The following BAHCC1 variants were observed in gnomAD, a reference collection of about 807,000 sequenced individuals.
The protein encoded by BAHCC1 is BAH domain and coiled-coil containing 1.
BAHCC1 carries 43 observed loss-of-function variants against 88.2 expected under a neutral mutation model. The observed-to-expected ratio is 0.49, with a 90% CI of 0.38 to 0.63. BAHCC1 has a LOEUF of 0.63. Among genes scored for constraint, BAHCC1 ranks in the 20% least tolerant of loss-of-function variants. The pLI is 0.00. For synonymous variants in BAHCC1, 1,510 were observed against 745.5 expected (o/e 2.03, Z -16.71); for missense variants, 3,023 against 1,654.8 (o/e 1.83, Z -14.34).
chr17:81,438,903 G>C (rs924474089), intron 4 of BAHCC1, among the ~76,000 whole-genome samples: 25 of 152,076 alleles, frequency 1.6e-4, no homozygotes, highest in Non-Finnish European at 2.4e-4. Context: ...ACAGAAGCCC[G>C]CACTTCCTGG....
Position 81,447,708 on chromosome 17 carries a change from C to T in BAHCC1, c.3836C>T (p.Pro1279Leu), listed in dbSNP as rs782572157. Residue 1279 changes from proline (P) to leucine (L), a missense_variant, in exon 11 of 28, where the codon CCG (proline) becomes CTG (leucine). By Grantham distance (98) the Pro-to-Leu change is moderately conservative (BLOSUM62 -3). Transcript: ENST00000675386. ...NLGDLPSDSP[P>L]DPQPPAASGP... ...GGGGACCTGCCCAGCGACAGCCCACCGGACCCTCAGCCCCCAGCGGCCTCT... is the reference window on the plus strand; with the variant it reads ...GGGGACCTGCCCAGCGACAGCCCACTGGACCCTCAGCCCCCAGCGGCCTCT... 2.7e-5 allele frequency: 20 copies of T among 734,014 alleles called. No homozygotes were observed. The highest frequency in any genetic ancestry group is 1.2e-4 in the Admixed American group (6 of 52,170). 45.5% of individuals were successfully genotyped at this position (734,014 alleles called of 1,614,324 possible).
chr17:81,444,961 C>G, intron 8 of BAHCC1, 54 bp from the exon 9 acceptor site: 1 of 693,532 alleles, frequency 1.4e-6, no homozygotes, highest in Admixed American at 2.2e-5. Context: ...GGGAAGCAGC[C>G]CCGGAGCTGT....
Position 81,445,298 on chromosome 17 carries a change from G to C in BAHCC1, c.2836-56G>C, listed in dbSNP as rs934256304. The C allele has an allele frequency of 8.2e-6, 6 of 732,974 alleles. No individual in the cohort carries two copies. In the East Asian group the frequency reaches 1.3e-4, roughly 16 times the overall value. 45.4% of individuals were successfully genotyped at this position (732,974 alleles called of 1,614,324 possible). ...CTGGCAGGATGAACCCAAGCAGGGG[G>C]CCCACTGGGGTCAGGGGATCCTGAG... On this transcript the variant is annotated intron_variant, in intron 9 of 27. Coordinates refer to ENST00000675386, the MANE Select transcript of BAHCC1 (RefSeq NM_001377448.1).
intron 2 of BAHCC1, among the ~76,000 whole-genome samples, chr17:81,409,752 AC>A (rs112787673): frequency 1.3e-5 from 2 of 152,214 alleles, no homozygotes; most frequent in African/African-American, 4.8e-5. Context: ...ACCCTCTGCG[AC>A]GTCTCCATCC....
chr17:81,444,024 A>G (rs2064475301), intron 6 of BAHCC1, 107 bp downstream of exon 6: 3 of 657,750 alleles, frequency 4.6e-6, no homozygotes, highest in East Asian at 2.7e-5. Context: ...GGGGCAGCAG[A>G]TTCTATGGCC....
At position 81,412,987 on chromosome 17, in the gene BAHCC1, C is replaced by T. The variant is rs181742197; in HGVS notation, c.178+13070C>T. The T allele has an allele frequency of 1.7e-4, 51 of 294,832 alleles. No individual in the cohort carries two copies. In the East Asian group the frequency reaches 5.7e-3, roughly 33 times the overall value. 18.3% of individuals were successfully genotyped at this position (294,832 alleles called of 1,614,324 possible). On this transcript the variant is annotated intron_variant, in intron 2 of 27. Transcript: ENST00000675386. Reference sequence around the variant, plus strand: ...CGGAAGCTCGGTGCGGGTGCGGCCTCACCTTGCGGGGGCAGTGGGTGGGTG... The same window carrying T: ...CGGAAGCTCGGTGCGGGTGCGGCCTTACCTTGCGGGGGCAGTGGGTGGGTG...
chr17:81,419,302 T>G (rs1288837164), intron 2 of BAHCC1, among the ~76,000 whole-genome samples: 1 of 152,164 alleles, frequency 6.6e-6, no homozygotes, highest in African/African-American at 2.4e-5. Context: ...AATGGTCAGA[T>G]GCTACACCCC....
intron 2 of BAHCC1, among the ~76,000 whole-genome samples, chr17:81,406,632 C>CA (rs1220262126): frequency 6.6e-6 from 1 of 152,248 alleles, no homozygotes; most frequent in Admixed American, 6.5e-5. Context: ...GTTTCGCTCA[C>CA]GCAGGCCTAT....
chr17:81,442,501 C>T lies in BAHCC1; in HGVS notation c.1152C>T (p.Pro384=). The T allele has an allele frequency of 1.4e-6, 1 of 719,960 alleles. No homozygotes were observed. Among genetic ancestry groups the T allele is most frequent in the Non-Finnish European group, 2.6e-6 (1 of 389,154 alleles). The allele number at this position is 719,960 out of a possible 1,614,324, so 44.6% of individuals were successfully genotyped here. Residue 384 remains proline (P), a synonymous_variant, in exon 5 of 28, where the codon CCC becomes CCT. Transcript: ENST00000675386. The stretch of plus-strand genomic sequence containing the variant: ...TCTGCCCGCTGCAGGACAAAGCCCC[C>T]CGGGACCTAAAGGCCAGCGGGCCCA... ...DGLCPLQDKA[P]RDLKASGPTF...
chr17:81,430,909 G>T (rs1598476592), intron 3 of BAHCC1, among the ~76,000 whole-genome samples: 1 of 152,010 alleles, frequency 6.6e-6, no homozygotes, highest in Non-Finnish European at 1.5e-5. Context: ...TGCTGTCCCT[G>T]CCCATGTGCG....
At chr17:81,412,901 G>C (rs999005030) in intron 2 of BAHCC1, among the ~76,000 whole-genome samples, 9 of 152,252 alleles carry the variant, frequency 5.9e-5, no homozygotes, top group African/African-American at 1.9e-4. Context: ...CCCTCCGGCT[G>C]TCGTGGGTGT....
rs782009675 is a variant in BAHCC1, at chr17:81,442,996, C to T, written c.1647C>T (p.His549=). The change falls in exon 5 of 28, where the codon CAC becomes CAT. Residue 549 remains histidine, a synonymous_variant. Coordinates refer to ENST00000675386, the MANE Select transcript of BAHCC1 (RefSeq NM_001377448.1). ...TGGCCCGCATCAGGCACCAGCAGCA[C>T]TTGATGGCCGCCGAGGTGGAGCAGG... The part of the protein sequence containing the change: ...QKVARIRHQQ[H]LMAAEVEQGG... 1.0e-5 allele frequency: 8 copies of T among 778,852 alleles called. No individual in the cohort carries two copies. Among genetic ancestry groups the T allele is most frequent in the African/African-American group, 3.4e-5 (2 of 59,162 alleles). 48.2% of individuals were successfully genotyped at this position (778,852 alleles called of 1,614,324 possible).
At chr17:81,404,739 A>G (rs2063858772) in intron 2 of BAHCC1, among the ~76,000 whole-genome samples, 1 of 152,254 alleles carries the variant, frequency 6.6e-6, no homozygotes, top group African/African-American at 2.4e-5. Context: ...GGCTGTGAGC[A>G]TAAATAATGT....
At position 81,435,741 on chromosome 17, in the gene BAHCC1, C is replaced by A. The variant is rs782745475; in HGVS notation, c.359-2629C>A. Reference sequence around the variant, plus strand: ...GAGCCCTCCCCAGGACCACCACCCCCACTCCTCAGTGGCAACCCCTTCCAG... The same window carrying A: ...GAGCCCTCCCCAGGACCACCACCCCAACTCCTCAGTGGCAACCCCTTCCAG... On this transcript the variant is annotated intron_variant, in intron 3 of 27. Transcript: ENST00000675386. This position sits in a 1 kb window ranked among gnomAD's most constrained non-coding sequence, Gnocchi z 4.4. 1.1e-4 allele frequency among the ~76,000 whole-genome samples: 16 copies of A among 151,892 alleles called. No homozygotes were observed. Among genetic ancestry groups the A allele is most frequent in the Non-Finnish European group, 2.4e-4 (16 of 67,920 alleles).
rs1186840831 is a variant in BAHCC1 at position 81,461,216 on chromosome 17, C to T, written c.6553C>T (p.Arg2185Trp). The change falls in exon 26 of 28, where the codon CGG (arginine) becomes TGG (tryptophan). Residue 2185 changes from arginine to tryptophan, a missense_variant. Arg to Trp is a moderately radical substitution (Grantham distance 101). Transcript: ENST00000675386. ...CCCCAGGGGAGCCCACAAGCTGCTG[C>T]GGGCTAAGAAGGCCGAGAGGGTGGA... ...GLPRGAHKLL[R>W]AKKAERVEAE... 15 of 723,602 alleles carry T rather than the reference C, an allele frequency of 2.1e-5. No homozygotes were observed. Among genetic ancestry groups the T allele is most frequent in the Admixed American group, 1.2e-4 (6 of 50,810 alleles). The allele number at this position is 723,602 out of a possible 1,614,324, so 44.8% of individuals were successfully genotyped here.
chr17:81,460,405 G>T lies in BAHCC1; in HGVS notation c.6025+9G>T. The T allele has an allele frequency of 1.3e-6, 1 of 756,582 alleles. No individual in the cohort carries two copies. The highest frequency in any genetic ancestry group is 2.5e-6 in the Non-Finnish European group (1 of 406,786). 46.9% of individuals were successfully genotyped at this position (756,582 alleles called of 1,614,324 possible). On this transcript the variant is annotated intron_variant, in intron 24 of 27. Coordinates refer to ENST00000675386, the MANE Select transcript of BAHCC1 (RefSeq NM_001377448.1). ...TGACTTCAAGATCCAGTGTGAGCCT[G>T]GGAGCTGCACGGGGCAGGGCCCTGC...
In BAHCC1 at chr17:81,459,483, C is replaced by T. The variant is rs781953014; in HGVS notation, c.5797-13C>T. ...CCCCACCTGCTCATGGGTCGTCGCC[C>T]GCGTTCCTGCAGGTTCTCGATGTGC... is the stretch of plus-strand genomic sequence containing the variant. On this transcript the variant is annotated splice_polypyrimidine_tract_variant and intron_variant, in intron 22 of 27. Coordinates refer to ENST00000675386, the MANE Select transcript of BAHCC1 (RefSeq NM_001377448.1). The T allele has an allele frequency of 1.1e-4, 85 of 778,694 alleles. No homozygotes were observed. Among genetic ancestry groups the T allele is most frequent in the Admixed American group, 6.6e-4 (39 of 58,976 alleles). The allele number at this position is 778,694 out of a possible 1,614,324, so 48.2% of individuals were successfully genotyped here.
At chr17:81,426,492 G>A (rs1307153124) in intron 2 of BAHCC1, among the ~76,000 whole-genome samples, 1 of 151,314 alleles carries the variant, frequency 6.6e-6, no homozygotes, top group African/African-American at 2.4e-5. Flanking sequence ...GGGTGATATG[G>A]CTCGTGGTGG....
chr17:81,422,738 G>A (rs1197627981), intron 2 of BAHCC1: 9 of 434,194 alleles, frequency 2.1e-5, no homozygotes, highest in African/African-American at 1.2e-4. Context: ...CTCAGGCCAG[G>A]ATCCTGGAGA....
Sources: gnomAD v4.1 joint callset for allele counts (sites outside exome capture counted in the v4.1 genomes callset) on GRCh38, gnomAD v4.1.1 for gene constraint, Gnocchi (gnomAD v3.1) non-coding constraint, MANE v1.5 for transcripts, NCBI Gene and HGNC (gene_info 2026-07-23, HGNC 2026-07-21) for gene names.